SRGAP2C: variants seen among roughly 807,000 people sequenced by gnomAD.
SRGAP2C encodes SLIT-ROBO Rho GTPase activating protein 2C, also known as SLIT-ROBO Rho GTPase-activating protein 2C.
Under a neutral mutation model 25.1 loss-of-function variants are expected in SRGAP2C, and 15 were observed. The ratio of observed to expected loss-of-function variants is 0.60; its 90% CI spans 0.40 to 0.92. SRGAP2C has a LOEUF of 0.92. Among genes scored for constraint, SRGAP2C ranks in the 40% least tolerant of loss-of-function variants. SRGAP2C has a pLI of 0.00. For missense variants in SRGAP2C, 144 were observed against 264.4 expected (o/e 0.54, Z 3.16); for synonymous variants, 44 against 96.6 (o/e 0.46, Z 3.19).
At chr1:121,383,348 T>A (rs1659878248) in intron 8 of SRGAP2C, among the ~76,000 whole-genome samples, 2 of 151,278 alleles carry the variant, frequency 1.3e-5, no homozygotes, top group African/African-American at 2.4e-5. Context: ...AAATGAGAGC[T>A]GAGGTGGGGC....
intron 4 of SRGAP2C, among the ~76,000 whole-genome samples, chr1:121,329,945 G>A (rs1658398082): frequency 6.6e-6 from 1 of 151,260 alleles, no homozygotes; most frequent in Non-Finnish European, 1.5e-5. Context: ...GTTGGAACCA[G>A]GGTTTGGGCA....
At chr1:121,238,641 T>C (rs1656015967) in intron 2 of SRGAP2C, among the ~76,000 whole-genome samples, 1 of 151,630 alleles carries the variant, frequency 6.6e-6, no homozygotes, top group African/African-American at 2.4e-5. Flanking sequence ...TGAGACAGAG[T>C]CTTGCTCTGT....
At chr1:121,356,364 CCA>C (rs1308412331) in intron 4 of SRGAP2C, among the ~76,000 whole-genome samples, 1 of 62,420 alleles carries the variant, frequency 1.6e-5, no homozygotes, top group Non-Finnish European at 3.1e-5. Context: ...CATCTGGGAG[CCA>C]CACAGGCATT....
chr1:121,198,281 G>GTTT (rs71278814), intron 2 of SRGAP2C, among the ~76,000 whole-genome samples: 32 of 142,150 alleles, frequency 2.3e-4, no homozygotes, highest in African/African-American at 7.8e-4. Context: ...TATTCTCTTT[G>GTTT]TTTTTTTTTT....
intron 2 of SRGAP2C, among the ~76,000 whole-genome samples, chr1:121,204,291 C>A (rs1474391223): frequency 3.3e-5 from 5 of 151,764 alleles, no homozygotes; most frequent in Admixed American, 1.3e-4. Flanking sequence ...TAAGTTGTCT[C>A]AATTTCCTTA....
At chr1:121,295,527 C>T (rs1182349331) in intron 3 of SRGAP2C, among the ~76,000 whole-genome samples, 17 of 151,908 alleles carry the variant, frequency 1.1e-4, no homozygotes, top group Non-Finnish European at 1.5e-4. Context: ...CAGATACCCA[C>T]CCCTGTACTC....
At chr1:121,317,020 G>A (rs1399481149) in intron 3 of SRGAP2C, among the ~76,000 whole-genome samples, 2 of 139,924 alleles carry the variant, frequency 1.4e-5, no homozygotes, top group African/African-American at 5.3e-5. Flanking sequence ...GCAGATTTTC[G>A]AAGTCAGCCA....
At chr1:121,270,758 T>C (rs1323093287) in intron 2 of SRGAP2C, among the ~76,000 whole-genome samples, 6 of 144,670 alleles carry the variant, frequency 4.1e-5, no homozygotes, top group African/African-American at 1.6e-4. Flanking sequence ...AGATATAATT[T>C]ATCTTTGAAT....
chr1:121,339,154 C>G (rs1658590247), intron 4 of SRGAP2C, among the ~76,000 whole-genome samples: 3 of 150,040 alleles, frequency 2.0e-5, no homozygotes, highest in African/African-American at 7.4e-5. Flanking sequence ...GTCATTGCAT[C>G]TTCTTTTAAA....
chr1:121,193,667 C>CTTTTTT (rs60707143), intron 2 of SRGAP2C, among the ~76,000 whole-genome samples: 4 of 19,734 alleles, frequency 2.0e-4, no homozygotes, highest in South Asian at 1.3e-3. Context: ...GTTCTTTTTT[C>CTTTTTT]TTTTTTTTTT....
intron 2 of SRGAP2C, among the ~76,000 whole-genome samples, chr1:121,273,836 G>A (rs1657037302): frequency 6.6e-6 from 1 of 151,862 alleles, no homozygotes; most frequent in Admixed American, 6.6e-5. Flanking sequence ...CAAGTCTCAT[G>A]CTTCAGTAGC....
chr1:121,193,673 T>TC (rs1654755350), intron 2 of SRGAP2C, among the ~76,000 whole-genome samples: 1 of 54,152 alleles, frequency 1.8e-5, no homozygotes, highest in Non-Finnish European at 3.3e-5. Context: ...TTTTCTTTTT[T>TC]TTTTTTTTTT....
intron 2 of SRGAP2C, among the ~76,000 whole-genome samples, chr1:121,236,567 A>T (rs1329845869): frequency 6.6e-6 from 1 of 152,126 alleles, no homozygotes; most frequent in Non-Finnish European, 1.5e-5. Flanking sequence ...ATTCCATTTA[A>T]CTGAAACCCT....
At chr1:121,302,679 C>CT (rs1570770887) in intron 3 of SRGAP2C, among the ~76,000 whole-genome samples, 1 of 93,580 alleles carries the variant, frequency 1.1e-5, no homozygotes, top group African/African-American at 4.3e-5. Context: ...TAAAAATGGC[C>CT]TTTTTTGGCA....
rs781976590 is a variant in SRGAP2C, at chr1:121,368,090, G to C, written c.486+2735G>C. 6.1e-3 allele frequency among the ~76,000 whole-genome samples: 361 copies of C among 59,366 alleles called. 6 individuals are homozygous for C. The highest frequency in any genetic ancestry group is 0.026 in the Middle Eastern group (2 of 78). The allele number at this position is 59,366 out of a possible 152,430, so 38.9% of individuals were successfully genotyped here. A position where few individuals can be genotyped will look rare whatever the true frequency, so the allele number is the denominator to read the frequency against. ...GACTCTGTCTCAAAAAAAAAAAAAA[G>C]AAAAAGGAAAAAAAGAGAAAGTTCA... is the stretch of plus-strand genomic sequence containing the variant. On this transcript the variant is annotated intron_variant, in intron 5 of 9. Transcript: ENST00000367123.
At chr1:121,347,083 A>G (rs1337072136) in intron 4 of SRGAP2C, among the ~76,000 whole-genome samples, 2 of 144,088 alleles carry the variant, frequency 1.4e-5, no homozygotes, top group Non-Finnish European at 3.1e-5. Flanking sequence ...GAATCAGGTA[A>G]CCTGGTTGGG....
chr1:121,202,510 C>A (rs1655009228), intron 2 of SRGAP2C, among the ~76,000 whole-genome samples: 1 of 147,196 alleles, frequency 6.8e-6, no homozygotes, highest in Non-Finnish European at 1.5e-5. Flanking sequence ...CTCACTGCAA[C>A]CTCCGACTCC....
chr1:121,259,756 G>C (rs2101528942), intron 2 of SRGAP2C, among the ~76,000 whole-genome samples: 1 of 150,222 alleles, frequency 6.7e-6, no homozygotes, highest in East Asian at 1.9e-4. Flanking sequence ...GTGTTTAGAA[G>C]GTAATAAGTA....
chr1:121,206,210 T>C (rs1553322490), intron 2 of SRGAP2C, among the ~76,000 whole-genome samples: 1 of 151,858 alleles, frequency 6.6e-6, no homozygotes, highest in Non-Finnish European at 1.5e-5. Flanking sequence ...CCATGCTCCT[T>C]CCCCCAGACT....
Sources: allele counts gnomAD v4.1 joint callset (sites outside exome capture counted in the v4.1 genomes callset), GRCh38; gene constraint gnomAD v4.1.1; transcripts MANE v1.5; gene names NCBI Gene and HGNC (gene_info 2026-07-23, HGNC 2026-07-21).